PCDHGA4: variants seen among roughly 807,000 people sequenced by gnomAD.
The protein encoded by PCDHGA4 is protocadherin gamma subfamily A, 4, also known as protocadherin gamma-A4.
A neutral mutation model predicts 54.6 loss-of-function variants in PCDHGA4; 38 were observed. The observed-to-expected ratio is 0.70, with a 90% CI of 0.54 to 0.91. The LOEUF (loss-of-function observed/expected upper bound fraction) is 0.91. Among genes scored for constraint, PCDHGA4 ranks in the 40% least tolerant of loss-of-function variants. The pLI is 0.00. For synonymous variants in PCDHGA4, 511 were observed against 512.9 expected (o/e 1.00, Z 0.05); for missense variants, 1,298 against 1,220.9 (o/e 1.06, Z -0.94).
intron 1 of PCDHGA4, chr5:141,388,424 GA>G: frequency 6.2e-7 from 1 of 1,613,812 alleles, no homozygotes; most frequent in African/African-American, 1.3e-5. Flanking sequence ...ATTTCTCACT[GA>G]TAAATAAAGA....
At chr5:141,507,432 C>T (rs2099860585) in intron 3 of PCDHGA4, 1 of 152,198 alleles carries the variant, frequency 6.6e-6, no homozygotes. Flanking sequence ...GGGGCCAGGC[C>T]TACAGCTGAC....
intron 1 of PCDHGA4, chr5:141,398,594 T>C: frequency 6.2e-7 from 1 of 1,614,028 alleles, no homozygotes; most frequent in African/African-American, 1.3e-5. Flanking sequence ...ATACTAGAAG[T>C]AGCAGAAGAT....
intron 1 of PCDHGA4, chr5:141,414,139 G>T: frequency 6.3e-7 from 1 of 1,596,506 alleles, no homozygotes; most frequent in Non-Finnish European, 8.5e-7. Flanking sequence ...CTATGAAATA[G>T]AAATACAAGC....
chr5:141,444,377 G>A (rs1035830834), intron 1 of PCDHGA4, among the ~76,000 whole-genome samples: 3 of 151,802 alleles, frequency 2.0e-5, no homozygotes, highest in Non-Finnish European at 4.4e-5. Context: ...CTCCATGTTG[G>A]TCAGGCTAGT....
chr5:141,356,877 C>T lies in PCDHGA4; in HGVS notation c.1770C>T (p.Val590=). ...SLFVLDQNDN[V]PEILYPTFPT... Reference sequence around the variant, plus strand: ...TTGTGCTGGACCAGAACGACAATGTCCCTGAGATCCTGTACCCCACCTTCC... The same window carrying T: ...TTGTGCTGGACCAGAACGACAATGTTCCTGAGATCCTGTACCCCACCTTCC... The change falls in exon 1 of 4, where the codon GTC becomes GTT. Residue 590 remains valine, a synonymous_variant. Transcript: ENST00000571252. 6.2e-7 allele frequency: 1 copy of T among 1,614,196 alleles called. No homozygotes were observed. Among genetic ancestry groups the T allele is most frequent in the Admixed American group, 1.7e-5 (1 of 60,028 alleles).
intron 1 of PCDHGA4, chr5:141,409,439 G>C: frequency 6.2e-7 from 1 of 1,613,998 alleles, no homozygotes; most frequent in Non-Finnish European, 8.5e-7. Flanking sequence ...CCTGGACCGA[G>C]AGCAGACACC....
Position 141,485,152 on chromosome 5 carries a change from A to C in PCDHGA4, c.2515-9655A>C. ...CTTCATCCGCGTCTCAGGAGCAAGT[A>C]GAGAATTAGCGGGCGGCAGCAATGC... On this transcript the variant is annotated intron_variant, in intron 1 of 3. Coordinates refer to ENST00000571252, the MANE Select transcript of PCDHGA4 (RefSeq NM_018917.4). The surrounding 1 kb of genome is among the most constrained non-coding windows in gnomAD (Gnocchi z 5.7). 8.8e-6 allele frequency: 14 copies of C among 1,586,038 alleles called. No individual in the cohort carries two copies. The highest frequency in any genetic ancestry group is 1.0e-5 in the Non-Finnish European group (12 of 1,157,128).
At position 141,405,308 on chromosome 5, in the gene PCDHGA4, GA is replaced by G. The variant is rs776065617; in HGVS notation, c.2514+47688del. 15 of 1,614,096 alleles carry G rather than the reference GA, an allele frequency of 9.3e-6. No individual in the cohort carries two copies. The African/African-American group carries it at 1.9e-4, about 20-fold the overall frequency. On this transcript the variant is annotated intron_variant, in intron 1 of 3. Transcript: ENST00000571252. The stretch of plus-strand genomic sequence containing the variant: ...CACACTCATCAGCCAGCAGAGCTGT[GA>G]GAAAAATGAGCCTTTGTGCGTCTCT...
intron 1 of PCDHGA4, chr5:141,433,012 G>A (rs1402902269): frequency 2.5e-6 from 4 of 1,614,054 alleles, no homozygotes; most frequent in Non-Finnish European, 3.4e-6. Flanking sequence ...CTTTCCTGCA[G>A]ACCTATTCCC....
At chr5:141,479,798 G>A (rs892288776) in intron 1 of PCDHGA4, among the ~76,000 whole-genome samples, 3 of 152,116 alleles carry the variant, frequency 2.0e-5, no homozygotes, top group African/African-American at 7.2e-5. Flanking sequence ...ATTAATTCAG[G>A]GTGGTATGCA....
intron 1 of PCDHGA4, chr5:141,398,312 C>A: frequency 1.5e-6 from 2 of 1,355,208 alleles, no homozygotes; most frequent in East Asian, 2.5e-5. Flanking sequence ...CAGGAGTTAC[C>A]GACTCGAAAA....
rs368371918 is a variant in PCDHGA4 at position 141,432,800 on chromosome 5, C to G, written c.2515-62007C>G. Reference sequence around the variant, plus strand: ...GGCGGACCTCGGCAGCCTCGAGTCTCCAGCTAACTCTGAAACCTCAGACCT... The same window carrying G: ...GGCGGACCTCGGCAGCCTCGAGTCTGCAGCTAACTCTGAAACCTCAGACCT... On this transcript the variant is annotated intron_variant, in intron 1 of 3. Coordinates refer to ENST00000571252, the MANE Select transcript of PCDHGA4 (RefSeq NM_018917.4). This position sits in a 1 kb window ranked among gnomAD's most constrained non-coding sequence, Gnocchi z 6.0. The G allele has an allele frequency of 9.9e-6, 16 of 1,614,038 alleles. No individual in the cohort carries two copies. Among genetic ancestry groups the G allele is most frequent in the Non-Finnish European group, 1.3e-5 (15 of 1,180,016 alleles).
At chr5:141,481,472 A>G (rs2099538174) in intron 1 of PCDHGA4, among the ~76,000 whole-genome samples, 1 of 152,246 alleles carries the variant, frequency 6.6e-6, no homozygotes, top group Non-Finnish European at 1.5e-5. Context: ...CCATTGGATT[A>G]TACACTTTAA....
At chr5:141,379,527 T>C (rs1182908156) in intron 1 of PCDHGA4, 1 of 152,228 alleles carries the variant, frequency 6.6e-6, no homozygotes, top group African/African-American at 2.4e-5. Context: ...GAGCATTTGT[T>C]GTTATAGGGA....
Position 141,432,623 on chromosome 5 carries a change from C to T in PCDHGA4, c.2515-62184C>T, listed in dbSNP as rs1047752183. Reference sequence around the variant, plus strand: ...GCCGGGACTCTTCTCGGTGGGTCTGCACACGGGCGAGGTGCGCACGGCGCG... The same window carrying T: ...GCCGGGACTCTTCTCGGTGGGTCTGTACACGGGCGAGGTGCGCACGGCGCG... On this transcript the variant is annotated intron_variant, in intron 1 of 3. Coordinates refer to ENST00000571252, the MANE Select transcript of PCDHGA4 (RefSeq NM_018917.4). The surrounding 1 kb of genome is among the most constrained non-coding windows in gnomAD (Gnocchi z 6.0). The T allele has an allele frequency of 1.2e-6, 2 of 1,613,196 alleles. No homozygotes were observed. The highest frequency in any genetic ancestry group is 2.2e-5 in the East Asian group (1 of 44,792).
rs765378957 is a variant in PCDHGA4, at chr5:141,357,554, G to A, written c.2447G>A (p.Cys816Tyr). 6.2e-7 allele frequency: 1 copy of A among 1,614,220 alleles called. No individual in the cohort carries two copies. Among genetic ancestry groups the A allele is most frequent in the Non-Finnish European group, 8.5e-7 (1 of 1,180,046 alleles). ...GACACGCTCATCAGCCGGGAGAGTT[G>A]TGAGAAAAGCGAGCCTCTTCTGATA... ...YADTLISRES[C>Y]EKSEPLLITQ... Residue 816 changes from cysteine (C) to tyrosine (Y), a missense_variant, in exon 1 of 4, where the codon TGT becomes TAT. Transcript: ENST00000571252.
Position 141,432,289 on chromosome 5 carries a change from C to T in PCDHGA4, c.2515-62518C>T, listed in dbSNP as rs762278053. ...CGTCCTACGTGTCCATCAACTCCGACACTGGGGTACTGTATGCGCTGAGCT... is the reference window on the plus strand; with the variant it reads ...CGTCCTACGTGTCCATCAACTCCGATACTGGGGTACTGTATGCGCTGAGCT... On this transcript the variant is annotated intron_variant, in intron 1 of 3. Coordinates refer to ENST00000571252, the MANE Select transcript of PCDHGA4 (RefSeq NM_018917.4). The surrounding 1 kb of genome is among the most constrained non-coding windows in gnomAD (Gnocchi z 6.0). The T allele has an allele frequency of 6.2e-7, 1 of 1,614,266 alleles. No homozygotes were observed. Among genetic ancestry groups the T allele is most frequent in the Admixed American group, 1.7e-5 (1 of 60,038 alleles).
chr5:141,410,788 C>A, intron 1 of PCDHGA4: 2 of 712,228 alleles, frequency 2.8e-6, no homozygotes, highest in Non-Finnish European at 4.0e-6. Context: ...GTATTTGGTT[C>A]ATAAGTTGCT....
intron 1 of PCDHGA4, among the ~76,000 whole-genome samples, chr5:141,473,132 T>C (rs2099314792): frequency 6.6e-6 from 1 of 152,230 alleles, no homozygotes; most frequent in Non-Finnish European, 1.5e-5. Context: ...TGGCAAACTA[T>C]ATTATCTCTT....
Sources: allele counts gnomAD v4.1 joint callset (sites outside exome capture counted in the v4.1 genomes callset), GRCh38; gene constraint gnomAD v4.1.1; non-coding constraint Gnocchi (gnomAD v3.1); transcripts MANE v1.5; gene names NCBI Gene and HGNC (gene_info 2026-07-23, HGNC 2026-07-21).